DLG2: variants seen among roughly 807,000 people sequenced by gnomAD.
DLG2 encodes disks large homolog 2.
DLG2 carries 45 observed loss-of-function variants against 132.5 expected under a neutral mutation model. The ratio of observed to expected loss-of-function variants is 0.34; its 90% confidence interval spans 0.27 to 0.44. DLG2 has a LOEUF of 0.44. Ranked by LOEUF, DLG2 falls within the 20% of genes least tolerant of loss-of-function variation. The probability of loss-of-function intolerance (pLI) is 1.00; values close to 1 mark genes in which losing one functional copy is unlikely to be tolerated. For synonymous variants in DLG2, 424 were observed against 419.6 expected (o/e 1.01, Z -0.13); for missense variants, 1,045 against 1,196.9 (o/e 0.87, Z 1.87).
intron 3 of DLG2, among the ~76,000 whole-genome samples, chr11:85,561,563 T>C (rs2153223863): frequency 6.6e-6 from 1 of 151,706 alleles, no homozygotes; most frequent in Middle Eastern, 3.4e-3. Context: ...GAAGTAATAG[T>C]ACAATGAAGG....
chr11:84,644,599 G>C (rs927661669), intron 6 of DLG2, among the ~76,000 whole-genome samples: 1 of 151,772 alleles, frequency 6.6e-6, no homozygotes, highest in Admixed American at 6.6e-5. Flanking sequence ...CCAGCTGCTT[G>C]GGAGGCTGAG....
chr11:84,675,884 C>T (rs1267733475), intron 6 of DLG2, among the ~76,000 whole-genome samples: 1 of 152,080 alleles, frequency 6.6e-6, no homozygotes, highest in Non-Finnish European at 1.5e-5. Flanking sequence ...TCTTTCTCCT[C>T]CCTTGTCCAC....
intron 5 of DLG2, among the ~76,000 whole-genome samples, chr11:85,145,149 T>A (rs1278282709): frequency 1.3e-5 from 2 of 152,074 alleles, no homozygotes; most frequent in Non-Finnish European, 1.5e-5. Flanking sequence ...AAATATGTCA[T>A]GCACCTCTAT....
intron 21 of DLG2, among the ~76,000 whole-genome samples, chr11:83,493,388 CTTCCTTTCT>C (rs2093979573): frequency 7.1e-6 from 1 of 140,876 alleles, no homozygotes; most frequent in Non-Finnish European, 1.5e-5. Flanking sequence ...TCCTTCCTTC[CTTCCTTTCT>C]CTCTCTTTCA....
chr11:84,554,764 T>C (rs1182262841), intron 6 of DLG2, among the ~76,000 whole-genome samples: 1 of 151,556 alleles, frequency 6.6e-6, no homozygotes, highest in Non-Finnish European at 1.5e-5. Context: ...ATAATAATAA[T>C]GAAGGAAATA....
intron 7 of DLG2, among the ~76,000 whole-genome samples, chr11:84,427,706 TC>T (rs1462033171): frequency 6.6e-6 from 1 of 151,966 alleles, no homozygotes; most frequent in African/African-American, 2.4e-5. Flanking sequence ...ATACTTTTTT[TC>T]CTTTCCACAG....
At position 85,532,647 on chromosome 11, in the gene DLG2, T is replaced by TA. The variant is rs564388381; in HGVS notation, c.40+66009dup. On this transcript the variant is annotated intron_variant, in intron 3 of 27. Coordinates refer to ENST00000376104, the MANE Select transcript of DLG2 (RefSeq NM_001142699.3). ...AATATTTGGATGGGCAGTGCTGTCA[T>TA]ATGTCACATCCTTTCTTTTTAACTT... Among the ~76,000 whole-genome samples the TA allele has an allele frequency of 2.0e-5, 3 of 152,330 alleles. No individual in the cohort carries two copies. In the East Asian group the frequency reaches 5.8e-4, roughly 29 times the overall value.
At chr11:85,254,998 CA>C (rs200546899) in intron 4 of DLG2, among the ~76,000 whole-genome samples, 7,290 of 87,682 alleles carry the variant, frequency 0.083, 209 homozygotes, top group East Asian at 0.15. Context: ...GACTCCATCT[CA>C]AAAAAAAAAA....
chr11:85,394,043 CA>C (rs1327825195), intron 3 of DLG2, among the ~76,000 whole-genome samples: 2 of 151,880 alleles, frequency 1.3e-5, no homozygotes, highest in Non-Finnish European at 2.9e-5. Context: ...ACCTGTTCCC[CA>C]AAAAAACCTA....
intron 19 of DLG2, among the ~76,000 whole-genome samples, chr11:83,611,163 G>A (rs570675802): frequency 2.0e-5 from 3 of 152,244 alleles, no homozygotes; most frequent in African/African-American, 7.2e-5. Context: ...TTTTGGCACT[G>A]GATCTAGAAC....
intron 6 of DLG2, among the ~76,000 whole-genome samples, chr11:85,070,177 T>C (rs1300757865): frequency 1.3e-5 from 2 of 151,852 alleles, no homozygotes; most frequent in East Asian, 3.9e-4. Context: ...AGGGGAGGGA[T>C]AGCATTAGGA....
intron 2 of DLG2, among the ~76,000 whole-genome samples, chr11:85,617,019 C>A (rs189217406): frequency 1.5e-4 from 23 of 152,240 alleles, no homozygotes; most frequent in African/African-American, 4.3e-4. Flanking sequence ...CCACCTTAAC[C>A]CCAGGGAAGT....
intron 7 of DLG2, among the ~76,000 whole-genome samples, chr11:84,426,876 A>G (rs941899044): frequency 2.6e-5 from 4 of 152,130 alleles, no homozygotes; most frequent in African/African-American, 9.7e-5. Context: ...TTTGAAAGAG[A>G]GAATGTATGG....
At chr11:84,419,724 A>G (rs11234023) in intron 7 of DLG2, among the ~76,000 whole-genome samples, 23,773 of 152,160 alleles carry the variant, frequency 0.16, 3,533 homozygotes, top group African/African-American at 0.39. Flanking sequence ...TACCATCTCA[A>G]GTGTGAGGTA....
intron 3 of DLG2, among the ~76,000 whole-genome samples, chr11:85,507,330 T>G (rs549053392): frequency 3.9e-5 from 6 of 152,178 alleles, no homozygotes; most frequent in Admixed American, 3.9e-4. Context: ...ATTTGGCATG[T>G]TTTTGCAGTG....
At chr11:84,502,331 T>C (rs1242872077) in intron 7 of DLG2, among the ~76,000 whole-genome samples, 14 of 22,450 alleles carry the variant, frequency 6.2e-4, no homozygotes, top group South Asian at 2.7e-3. Flanking sequence ...TCTTTCTTTC[T>C]TTCTTTCTTT....
chr11:85,160,566 T>G (rs2077950837), intron 4 of DLG2, among the ~76,000 whole-genome samples: 1 of 152,192 alleles, frequency 6.6e-6, no homozygotes, highest in South Asian at 2.1e-4. Flanking sequence ...CTAAATGCTT[T>G]CTGACCCATC....
At chr11:85,060,650 A>T (rs994502033) in intron 6 of DLG2, among the ~76,000 whole-genome samples, 1 of 151,706 alleles carries the variant, frequency 6.6e-6, no homozygotes, top group East Asian at 1.9e-4. Flanking sequence ...AGAAATGCAA[A>T]TATCTCTTTA....
intron 7 of DLG2, among the ~76,000 whole-genome samples, chr11:84,251,899 A>G (rs2097382917): frequency 6.6e-6 from 1 of 151,896 alleles, no homozygotes; most frequent in East Asian, 1.9e-4. Flanking sequence ...CGGACTCCCA[A>G]AGTGCTGGGA....
Sources: allele counts gnomAD v4.1 joint callset (sites outside exome capture counted in the v4.1 genomes callset), GRCh38; gene constraint gnomAD v4.1.1; transcripts MANE v1.5; gene names NCBI Gene and HGNC (gene_info 2026-07-23, HGNC 2026-07-21).